The following TBC1D32 variants were observed in gnomAD, a reference collection of about 807,000 sequenced individuals.
The protein encoded by TBC1D32 is TBC1 domain family member 32, also known as protein broad-minded.
Under a neutral mutation model 170.3 loss-of-function variants are expected in TBC1D32, and 151 were observed. The ratio of observed to expected loss-of-function variants is 0.89; its 90% CI spans 0.78 to 1.01. The LOEUF is 1.01. TBC1D32 is among the 50% of genes least tolerant of loss of function. The pLI is 0.00. For missense variants in TBC1D32, 1,464 were observed against 1,457.1 expected, an observed-to-expected ratio of 1.00 and a Z score of -0.08; for synonymous variants, 498 against 488.0, an observed-to-expected ratio of 1.02 and a Z score of -0.27.
intron 17 of TBC1D32, among the ~76,000 whole-genome samples, chr6:121,247,695 CAAAAAAAAAAAAAA>C (rs34914027): frequency 4.3e-5 from 2 of 46,570 alleles, no homozygotes; most frequent in Non-Finnish European, 7.1e-5. Flanking sequence ...GGCTTTAAAG[CAAAAAAAAAAAAAA>C]AAAAAAAAAG....
intron 15 of TBC1D32, among the ~76,000 whole-genome samples, chr6:121,257,259 T>C (rs1799168898): frequency 6.6e-6 from 1 of 152,092 alleles, no homozygotes; most frequent in Non-Finnish European, 1.5e-5. Context: ...TTTTCCTTGG[T>C]AAAATAACTT....
At position 121,168,719 on chromosome 6, in the gene TBC1D32, A is replaced by AT. The variant is rs1180998786; in HGVS notation, c.2571-7664_2571-7663insA. Among the ~76,000 whole-genome samples the AT allele has an allele frequency of 1.5e-3, 208 of 137,214 alleles. 1 individual carries two copies. The highest frequency in any genetic ancestry group is 6.2e-3 in the African/African-American group (201 of 32,546). The allele number at this position is 137,214 out of a possible 152,430, so 90.0% of individuals were successfully genotyped here. A position where few individuals can be genotyped will look rare whatever the true frequency, so the allele number is the denominator to read the frequency against. On this transcript the variant is annotated intron_variant, in intron 22 of 31. Coordinates refer to ENST00000398212, the MANE Select transcript of TBC1D32 (RefSeq NM_152730.6). ...CTAAAACTTAGAGTATAATAAAAAA[A>AT]AAAAAAAAAAAAAAATCAACATGCA...
chr6:121,123,101 T>A (rs1410739513), intron 26 of TBC1D32, among the ~76,000 whole-genome samples: 1 of 152,092 alleles, frequency 6.6e-6, no homozygotes, highest in African/African-American at 2.4e-5. Context: ...TATGACAACT[T>A]CTCTTGTTAC....
intron 22 of TBC1D32, among the ~76,000 whole-genome samples, chr6:121,204,576 G>A (rs908902788): frequency 4.0e-5 from 6 of 151,146 alleles, no homozygotes; most frequent in Non-Finnish European, 7.4e-5. Flanking sequence ...TACCAACTAC[G>A]CCTTATTTCC....
Position 121,306,057 on chromosome 6 carries a change from C to T in TBC1D32, c.691-1224G>A, listed in dbSNP as rs746581141. ...TATTTATTAAGTAAAAGAAAAAATA[C>T]GGGGAAATTTACAATTGCATCCGTC... On this transcript the variant is annotated intron_variant, in intron 5 of 31. Transcript: ENST00000398212. Among the ~76,000 whole-genome samples, 4 of 151,952 alleles carry T rather than the reference C, an allele frequency of 2.6e-5. No homozygotes were observed. In the East Asian group the frequency reaches 5.8e-4, roughly 22 times the overall value.
intron 21 of TBC1D32, among the ~76,000 whole-genome samples, chr6:121,221,453 A>G (rs1303132796): frequency 6.6e-6 from 1 of 152,246 alleles, no homozygotes; most frequent in Non-Finnish European, 1.5e-5. Context: ...TTGTAAGGCT[A>G]TAACTGCCAT....
At chr6:121,249,940 A>G (rs1447035979) in intron 17 of TBC1D32, among the ~76,000 whole-genome samples, 5 of 152,052 alleles carry the variant, frequency 3.3e-5, no homozygotes, top group Admixed American at 2.6e-4. Context: ...TGCAATTCCC[A>G]TAAAAATACC....
chr6:121,325,930 A>G (rs182529945), intron 1 of TBC1D32, among the ~76,000 whole-genome samples: 2 of 152,340 alleles, frequency 1.3e-5, no homozygotes, highest in African/African-American at 4.8e-5. Flanking sequence ...ATTTACAAGA[A>G]AAAAACAACT....
At chr6:121,202,782 C>G (rs1013029912) in intron 22 of TBC1D32, among the ~76,000 whole-genome samples, 3 of 151,196 alleles carry the variant, frequency 2.0e-5, no homozygotes, top group Non-Finnish European at 2.9e-5. Context: ...GAGCACCCTT[C>G]TTGAGTATTA....
chr6:121,323,402 A>G (rs1810019990), intron 1 of TBC1D32, among the ~76,000 whole-genome samples: 1 of 152,188 alleles, frequency 6.6e-6, no homozygotes, highest in South Asian at 2.1e-4. Flanking sequence ...TTTCAGTCAG[A>G]GCTAGAGCCA....
chr6:121,200,141 T>C (rs1363679328), intron 22 of TBC1D32, among the ~76,000 whole-genome samples: 1 of 151,464 alleles, frequency 6.6e-6, no homozygotes, highest in African/African-American at 2.4e-5. Context: ...GGCCACATTA[T>C]AGTTTCAAAT....
chr6:121,289,484 G>A (rs145121327), intron 12 of TBC1D32, among the ~76,000 whole-genome samples: 3,637 of 152,222 alleles, frequency 0.024, 161 homozygotes, highest in East Asian at 0.12. Context: ...ACAAACCACT[G>A]CTCAATGAAA....
intron 24 of TBC1D32, among the ~76,000 whole-genome samples, chr6:121,156,816 G>A (rs1029485451): frequency 3.9e-5 from 6 of 152,092 alleles, no homozygotes; most frequent in African/African-American, 1.4e-4. Context: ...ATGTTTTTGT[G>A]TAGTTTTGAG....
intron 16 of TBC1D32, 42 bp from the exon 17 acceptor site, chr6:121,255,452 C>G: frequency 3.8e-6 from 2 of 532,356 alleles, no homozygotes; most frequent in Non-Finnish European, 5.6e-6. Context: ...ACTGATAGCA[C>G]TAGCCATATA....
chr6:121,265,795 A>T (rs1172579697), intron 15 of TBC1D32, among the ~76,000 whole-genome samples: 1 of 152,176 alleles, frequency 6.6e-6, no homozygotes, highest in African/African-American at 2.4e-5. Flanking sequence ...TTGATCTTTG[A>T]CAAACCTAAC....
intron 12 of TBC1D32, among the ~76,000 whole-genome samples, chr6:121,289,105 G>A (rs1467778463): frequency 6.6e-6 from 1 of 152,180 alleles, no homozygotes; most frequent in Non-Finnish European, 1.5e-5. Flanking sequence ...AGACAAGGAT[G>A]CCCTCTCTCA....
intron 21 of TBC1D32, among the ~76,000 whole-genome samples, chr6:121,220,080 G>A (rs901652868): frequency 1.3e-5 from 2 of 152,190 alleles, no homozygotes; most frequent in South Asian, 2.1e-4. Flanking sequence ...TAAGATTAGC[G>A]CAATTAGTAA....
At chr6:121,275,063 A>C (rs1211177065) in intron 15 of TBC1D32, among the ~76,000 whole-genome samples, 1 of 152,220 alleles carries the variant, frequency 6.6e-6, no homozygotes, top group Non-Finnish European at 1.5e-5. Context: ...AAAAGTGTTC[A>C]CAATGTGAAT....
chr6:121,237,792 C>G (rs995372536), intron 20 of TBC1D32, among the ~76,000 whole-genome samples: 1 of 151,838 alleles, frequency 6.6e-6, no homozygotes, highest in African/African-American at 2.4e-5. Flanking sequence ...ATAATAACTG[C>G]TTTAAAATCC....
Sources: allele counts gnomAD v4.1 joint callset (sites outside exome capture counted in the v4.1 genomes callset), GRCh38; gene constraint gnomAD v4.1.1; transcripts MANE v1.5; gene names NCBI Gene and HGNC (gene_info 2026-07-23, HGNC 2026-07-21).